RBM46: variants seen among roughly 807,000 people sequenced by gnomAD.
The protein encoded by RBM46 is probable RNA-binding protein 46.
RBM46 carries 12 observed loss-of-function variants against 43.3 expected under a neutral mutation model. That is an observed-to-expected ratio of 0.28 (90% CI 0.18 to 0.45). RBM46 has a LOEUF of 0.45. RBM46 is among the 20% of genes least tolerant of loss of function. The probability of loss-of-function intolerance (pLI) is 1.00; values close to 1 mark genes in which losing one functional copy is unlikely to be tolerated. For missense variants in RBM46, 412 were observed against 639.1 expected (o/e 0.64, Z 3.83); for synonymous variants, 205 against 207.6 (o/e 0.99, Z 0.11).
At chr4:154,807,730 A>C (rs184244748) in intron 4 of RBM46, among the ~76,000 whole-genome samples, 9 of 152,020 alleles carry the variant, frequency 5.9e-5, no homozygotes, top group Non-Finnish European at 1.0e-4. Context: ...AAACAGAAGG[A>C]CAATAATTAA....
intron 4 of RBM46, among the ~76,000 whole-genome samples, chr4:154,815,658 G>GT (rs1735401493): frequency 1.3e-5 from 2 of 151,788 alleles, no homozygotes; most frequent in South Asian, 2.1e-4. Context: ...TGGTTTGTCT[G>GT]TTTTTTATTT....
chr4:154,809,615 C>G (rs959293814), intron 4 of RBM46, among the ~76,000 whole-genome samples: 1 of 151,940 alleles, frequency 6.6e-6, no homozygotes, highest in African/African-American at 2.4e-5. Context: ...AATACAAAAC[C>G]CAGCTTAGGA....
rs550163703 is a variant in RBM46 at position 154,787,596 on chromosome 4, G to T, written c.-12+6160G>T. Reference sequence around the variant, plus strand: ...TCCAGTCTATCATTGATGGACATTGGGGTTGGTGTGAAGTCTTTGCTATTG... The same window carrying T: ...TCCAGTCTATCATTGATGGACATTGTGGTTGGTGTGAAGTCTTTGCTATTG... On this transcript the variant is annotated intron_variant, in intron 1 of 4. Coordinates refer to ENST00000281722, the MANE Select transcript of RBM46 (RefSeq NM_144979.5). Among the ~76,000 whole-genome samples the T allele has an allele frequency of 2.0e-4, 30 of 152,188 alleles. No individual in the cohort carries two copies. In the East Asian group the frequency reaches 5.6e-3, roughly 28 times the overall value.
intron 1 of RBM46, among the ~76,000 whole-genome samples, chr4:154,785,137 T>C (rs1733696567): frequency 6.6e-6 from 1 of 152,128 alleles, no homozygotes. Context: ...TCAGTGTGTC[T>C]TTTACTTCTG....
At chr4:154,809,266 A>G (rs1578931498) in intron 4 of RBM46, among the ~76,000 whole-genome samples, 1 of 151,722 alleles carries the variant, frequency 6.6e-6, no homozygotes, top group Non-Finnish European at 1.5e-5. Context: ...GTGGCTTGGG[A>G]GAAGGATGGA....
At position 154,828,039 on chromosome 4, in the gene RBM46, G is replaced by A. The variant is rs1736050719; in HGVS notation, c.1574G>A (p.Cys525Tyr). 1 of 1,613,604 alleles carries A rather than the reference G, an allele frequency of 6.2e-7. No homozygotes were observed. The highest frequency in any genetic ancestry group is 8.5e-7 in the Non-Finnish European group (1 of 1,179,584). ...ANGSHVGQRL[C>Y]ISNQASFF ...GGCAGCCATGTTGGACAGCGGCTAT[G>A]TATCTCCAATCAGGCCTCCTTCTTC... The change falls in exon 5 of 5, where the codon TGT (cysteine) becomes TAT (tyrosine). Residue 525 changes from cysteine to tyrosine, a missense_variant. Physicochemically the swap from Cys to Tyr is radical, Grantham distance 194. Transcript: ENST00000281722.
intron 4 of RBM46, among the ~76,000 whole-genome samples, chr4:154,820,879 A>G (rs1397987553): frequency 6.6e-6 from 1 of 151,880 alleles, no homozygotes; most frequent in African/African-American, 2.4e-5. Context: ...TTTTAGTAGG[A>G]AGTTAAAAGA....
chr4:154,817,571 A>T (rs1359982614), intron 4 of RBM46, among the ~76,000 whole-genome samples: 1 of 152,062 alleles, frequency 6.6e-6, no homozygotes, highest in Non-Finnish European at 1.5e-5. Context: ...ACCTCAGGTG[A>T]TGTGCCCGCC....
chr4:154,789,722 T>C (rs1231169871), intron 1 of RBM46, among the ~76,000 whole-genome samples: 1 of 152,216 alleles, frequency 6.6e-6, no homozygotes, highest in African/African-American at 2.4e-5. Context: ...TCTTTTTCTA[T>C]TGATTGGAAT....
chr4:154,825,750 G>T (rs138713801), intron 4 of RBM46, among the ~76,000 whole-genome samples: 1 of 152,182 alleles, frequency 6.6e-6, no homozygotes, highest in African/African-American at 2.4e-5. Flanking sequence ...TCTGCTTTCT[G>T]AAATCTTTCC....
chr4:154,799,372 A>C lies in RBM46; in HGVS notation c.1210A>C (p.Lys404Gln), dbSNP rs1481972688. Residue 404 changes from lysine to glutamine, a missense_variant, in exon 4 of 5, where the codon AAA (lysine) becomes CAA (glutamine). Physicochemically the swap from Lys to Gln is moderately conservative, Grantham distance 53. This residue lies in a region of RBM46 where 149 missense variants were observed against 156.3 expected (regional missense o/e 0.95). Transcript: ENST00000281722. ...AATGCATTTGGATTATTACTGCAAC[A>C]AAAATAACTGGGCACCACCAGAATA... ...AVMHLDYYCNKNNWAPPEYYL... is the reference protein window; with the variant it reads ...AVMHLDYYCNQNNWAPPEYYL... 5 of 1,614,106 alleles carry C rather than the reference A, an allele frequency of 3.1e-6. No homozygotes were observed. The highest frequency in any genetic ancestry group is 4.2e-6 in the Non-Finnish European group (5 of 1,179,974).
Position 154,828,223 on chromosome 4 carries a change from C to CATGG in RBM46, c.*158_*161dup, listed in dbSNP as rs1411090535. ...AAACATCAGCTATAATTCAGAATAACATGGAGTTGTAGAATTTATAAAAAT... is the reference window on the plus strand; with the variant it reads ...AAACATCAGCTATAATTCAGAATAACATGGATGGAGTTGTAGAATTTATAAAAAT... On this transcript the variant is annotated 3_prime_UTR_variant, in exon 5 of 5. Coordinates refer to ENST00000281722, the MANE Select transcript of RBM46 (RefSeq NM_144979.5). 1 of 618,550 alleles carries CATGG rather than the reference C, an allele frequency of 1.6e-6. No homozygotes were observed. Among genetic ancestry groups the CATGG allele is most frequent in the Non-Finnish European group, 2.8e-6 (1 of 353,550 alleles). 38.3% of individuals were successfully genotyped at this position (618,550 alleles called of 1,614,324 possible). A position where few individuals can be genotyped will look rare whatever the true frequency, so the allele number is the denominator to read the frequency against.
intron 2 of RBM46, 65 bp from the exon 3 acceptor site, chr4:154,797,746 A>G: frequency 9.0e-7 from 1 of 1,111,332 alleles, no homozygotes; most frequent in Non-Finnish European, 1.3e-6. Context: ...GAATGAATAT[A>G]TGATTGAATA....
intron 4 of RBM46, among the ~76,000 whole-genome samples, chr4:154,811,062 CT>C (rs1735148748): frequency 6.6e-6 from 1 of 152,246 alleles, no homozygotes; most frequent in Admixed American, 6.5e-5. Flanking sequence ...ACAGTTGCTG[CT>C]TTCATAGACC....
intron 1 of RBM46, among the ~76,000 whole-genome samples, chr4:154,793,585 A>C (rs1734204488): frequency 6.6e-6 from 1 of 152,190 alleles, no homozygotes; most frequent in African/African-American, 2.4e-5. Context: ...AAAGTGTTGA[A>C]GGCTGAAGTG....
At chr4:154,791,178 A>C (rs182544294) in intron 1 of RBM46, among the ~76,000 whole-genome samples, 12 of 152,342 alleles carry the variant, frequency 7.9e-5, no homozygotes, top group African/African-American at 2.9e-4. Context: ...TTAAAGCTGG[A>C]AAGTTCTTTT....
At chr4:154,788,362 T>C (rs1354625710) in intron 1 of RBM46, among the ~76,000 whole-genome samples, 2 of 152,226 alleles carry the variant, frequency 1.3e-5, no homozygotes, top group Non-Finnish European at 2.9e-5. Context: ...TTAATTTTTA[T>C]ATAAGGTGTA....
rs541699046 is a variant in RBM46, at chr4:154,788,759, C to A, written c.-12+7323C>A. Among the ~76,000 whole-genome samples the A allele has an allele frequency of 2.6e-5, 4 of 152,190 alleles. No individual in the cohort carries two copies. In the South Asian group the frequency reaches 8.3e-4, roughly 32 times the overall value. ...GCTTGATGGGGATGGCATTGAATGTCTAAATTACCTTTGGCAGTATGGTCA... is the reference window on the plus strand; with the variant it reads ...GCTTGATGGGGATGGCATTGAATGTATAAATTACCTTTGGCAGTATGGTCA... On this transcript the variant is annotated intron_variant, in intron 1 of 4. Coordinates refer to ENST00000281722, the MANE Select transcript of RBM46 (RefSeq NM_144979.5).
chr4:154,798,639 T>C, intron 3 of RBM46, 143 bp from the exon 4 acceptor site: 1 of 599,606 alleles, frequency 1.7e-6, no homozygotes, highest in East Asian at 3.2e-5. Context: ...TAAAAATTTT[T>C]GTGTGAATAG....
Sources: gnomAD v4.1 joint callset for allele counts (sites outside exome capture counted in the v4.1 genomes callset) on GRCh38, gnomAD v4.1.1 for gene constraint, gnomAD v4.1.1 regional missense constraint, MANE v1.5 for transcripts, NCBI Gene and HGNC (gene_info 2026-07-23, HGNC 2026-07-21) for gene names.